The following LATS2 variants were observed in gnomAD, a reference collection of about 807,000 sequenced individuals.
The protein encoded by LATS2 is large tumor suppressor kinase 2.
In LATS2, 24 loss-of-function variants were observed where a neutral mutation model predicts 76.0. The ratio of observed to expected loss-of-function variants is 0.32; its 90% CI spans 0.23 to 0.44. The LOEUF is 0.44. Ranked by LOEUF, LATS2 falls within the 20% of genes least tolerant of loss-of-function variation. The pLI is 1.00. For synonymous variants in LATS2, 692 were observed against 635.4 expected, an observed-to-expected ratio of 1.09 and a Z score of -1.34; for missense variants, 1,286 against 1,481.2, an observed-to-expected ratio of 0.87 and a Z score of 2.16.
intron 5 of LATS2, 135 bp from the exon 6 acceptor site, chr13:20,981,783 G>A (rs1287234805): frequency 4.0e-6 from 3 of 741,556 alleles, no homozygotes. Context: ...TCAGGACAGA[G>A]AATCCCCGCT....
intron 2 of LATS2, among the ~76,000 whole-genome samples, chr13:21,029,830 C>T (rs1267528292): frequency 5.3e-5 from 8 of 152,088 alleles, no homozygotes; most frequent in African/African-American, 1.7e-4. Context: ...GGCGTAGTGG[C>T]TCACGCCTGT....
chr13:21,059,047 G>GC (rs1275601596), intron 1 of LATS2, among the ~76,000 whole-genome samples: 1 of 151,920 alleles, frequency 6.6e-6, no homozygotes, highest in Non-Finnish European at 1.5e-5. Context: ...TTAAGGGAAG[G>GC]CCCCTCATCT....
At chr13:21,015,168 T>C (rs903972213) in intron 2 of LATS2, among the ~76,000 whole-genome samples, 1 of 152,256 alleles carries the variant, frequency 6.6e-6, no homozygotes, top group Non-Finnish European at 1.5e-5. Flanking sequence ...TAGATTCCTA[T>C]TGAAATGAGC....
chr13:20,980,538 C>T (rs919282290), intron 6 of LATS2, among the ~76,000 whole-genome samples: 32 of 152,330 alleles, frequency 2.1e-4, no homozygotes, highest in African/African-American at 7.2e-4. Context: ...CCCCCTCAGG[C>T]CCCTCTGCTA....
intron 2 of LATS2, among the ~76,000 whole-genome samples, chr13:21,017,800 A>AT (rs1871869176): frequency 6.6e-6 from 1 of 151,818 alleles, no homozygotes; most frequent in Admixed American, 6.6e-5. Context: ...TAATTTTTAT[A>AT]TTTTTACTAG....
intron 2 of LATS2, among the ~76,000 whole-genome samples, chr13:21,007,558 T>TATATATA (rs1171350247): frequency 1.2e-4 from 2 of 16,390 alleles, no homozygotes; most frequent in Non-Finnish European, 1.6e-4. Flanking sequence ...TATATATATA[T>TATATATA]ATATATATAT....
At chr13:20,976,327 G>A (rs556154074) in intron 7 of LATS2, among the ~76,000 whole-genome samples, 1 of 152,280 alleles carries the variant, frequency 6.6e-6, no homozygotes, top group African/African-American at 2.4e-5. Context: ...TGTTTTCATA[G>A]AGCTAAAACT....
chr13:21,023,093 G>A (rs1376203422), intron 2 of LATS2: 1 of 152,204 alleles, frequency 6.6e-6, no homozygotes, highest in Non-Finnish European at 1.5e-5. Flanking sequence ...AGTGTCGCTC[G>A]AGCCGGGGAC....
At chr13:21,028,008 C>CA in intron 2 of LATS2, among the ~76,000 whole-genome samples, 1 of 151,834 alleles carries the variant, frequency 6.6e-6, no homozygotes. Context: ...TATACATGTG[C>CA]CATGCTGGTG....
intron 6 of LATS2, among the ~76,000 whole-genome samples, chr13:20,981,138 C>G (rs1159868315): frequency 6.6e-6 from 1 of 152,188 alleles, no homozygotes; most frequent in Non-Finnish European, 1.5e-5. Context: ...TCTGGGCAGA[C>G]TGAGCAGAGG....
In LATS2 at chr13:20,991,850, G is replaced by A. The variant is rs1328002900; in HGVS notation, c.343-446C>T. ...CTAGGAAACCTGTCCCCAGGGAGAG[G>A]GTGCAGCTGCCGAAGAGTCATATAT... On this transcript the variant is annotated intron_variant, in intron 2 of 7. Coordinates refer to ENST00000382592, the MANE Select transcript of LATS2 (RefSeq NM_014572.3). The surrounding 1 kb of genome is among the most constrained non-coding windows in gnomAD (Gnocchi z 4.9). Among the ~76,000 whole-genome samples, 1 of 152,180 alleles carries A rather than the reference G, an allele frequency of 6.6e-6. No individual in the cohort carries two copies. Among genetic ancestry groups the A allele is most frequent in the Non-Finnish European group, 1.5e-5 (1 of 68,030 alleles).
chr13:21,014,981 G>A (rs12428382), intron 2 of LATS2, among the ~76,000 whole-genome samples: 12,589 of 152,204 alleles, frequency 0.083, 1,072 homozygotes, highest in East Asian at 0.44. Flanking sequence ...GCTCCGGGAG[G>A]GCAGGCCAGG....
intron 2 of LATS2, among the ~76,000 whole-genome samples, chr13:21,023,646 TAAAAA>T (rs1169391710): frequency 1.7e-4 from 12 of 70,070 alleles, no homozygotes; most frequent in African/African-American, 8.9e-4. Context: ...TGACTGGCTT[TAAAAA>T]AAAAAAAAAA....
rs1336721510 is a variant in LATS2 at position 20,974,955 on chromosome 13, G to A, written c.3182C>T (p.Ala1061Val). ...TGAGCTCTCAGCCTGTGAAGCTTCT[G>A]CTCCTGAAGGCTTTGGGCATCGAAA... is the stretch of plus-strand genomic sequence containing the variant. ...YPFRCPKPSGAEASQAESSDL... is the reference protein window; with the variant it reads ...YPFRCPKPSGVEASQAESSDL... The change falls in exon 8 of 8, where the codon GCA (alanine) becomes GTA (valine). Residue 1061 changes from alanine to valine, a missense_variant. By Grantham distance (64) the Ala-to-Val change is moderately conservative. Coordinates refer to ENST00000382592, the MANE Select transcript of LATS2 (RefSeq NM_014572.3). 1.9e-6 allele frequency: 3 copies of A among 1,614,204 alleles called. No individual in the cohort carries two copies. Among genetic ancestry groups the A allele is most frequent in the Admixed American group, 1.7e-5 (1 of 60,024 alleles).
chr13:21,012,941 ACTTGTTTCT>A (rs1871656642), intron 2 of LATS2, among the ~76,000 whole-genome samples: 1 of 152,202 alleles, frequency 6.6e-6, no homozygotes, highest in South Asian at 2.1e-4. Flanking sequence ...TGCTCCAAGT[ACTTGTTTCT>A]ATTGCAAAGC....
chr13:21,030,997 C>T (rs1207742697), intron 2 of LATS2, among the ~76,000 whole-genome samples: 2 of 152,030 alleles, frequency 1.3e-5, no homozygotes, highest in Non-Finnish European at 1.5e-5. Flanking sequence ...ATAAAATTCT[C>T]GGTGTATTTT....
At chr13:21,002,156 G>A (rs952986100) in intron 2 of LATS2, among the ~76,000 whole-genome samples, 7 of 151,826 alleles carry the variant, frequency 4.6e-5, no homozygotes, top group African/African-American at 9.7e-5. Flanking sequence ...CTCAAGATCC[G>A]CCCACCTTGG....
chr13:21,010,056 C>T (rs1253321938), intron 2 of LATS2, among the ~76,000 whole-genome samples: 3 of 151,944 alleles, frequency 2.0e-5, no homozygotes, highest in Non-Finnish European at 4.4e-5. Context: ...AAAAATGAGC[C>T]GGGCATGGTG....
At chr13:21,046,662 C>T (rs1016790630) in intron 1 of LATS2, among the ~76,000 whole-genome samples, 1 of 152,140 alleles carries the variant, frequency 6.6e-6, no homozygotes, top group Non-Finnish European at 1.5e-5. Context: ...GCTTTACTAA[C>T]CTCTCCCCCC....
Sources: allele counts gnomAD v4.1 joint callset (sites outside exome capture counted in the v4.1 genomes callset), GRCh38; gene constraint gnomAD v4.1.1; non-coding constraint Gnocchi (gnomAD v3.1); transcripts MANE v1.5; gene names NCBI Gene and HGNC (gene_info 2026-07-23, HGNC 2026-07-21).